The following SHISA9 variants were observed in gnomAD, a reference collection of about 807,000 sequenced individuals.
The protein encoded by SHISA9 is protein shisa-9.
A neutral mutation model predicts 38.0 loss-of-function variants in SHISA9; 13 were observed. The ratio of observed to expected loss-of-function variants is 0.34; its 90% CI spans 0.22 to 0.54. SHISA9 has a LOEUF of 0.54. SHISA9 is among the 20% of genes least tolerant of loss of function. The probability of loss-of-function intolerance (pLI) is 0.91; values close to 1 mark genes in which losing one functional copy is unlikely to be tolerated. For synonymous variants in SHISA9, 275 were observed against 242.0 expected (o/e 1.14, Z -1.27); for missense variants, 538 against 575.8 (o/e 0.93, Z 0.67).
intron 2 of SHISA9, among the ~76,000 whole-genome samples, chr16:13,046,021 C>T (rs1470382470): frequency 6.6e-6 from 1 of 152,138 alleles, no homozygotes; most frequent in Non-Finnish European, 1.5e-5. Flanking sequence ...ACCATCAAAG[C>T]CCATTAATTT....
the SHISA9 span, among the ~76,000 whole-genome samples, chr16:13,461,528 G>C: frequency 2.7e-5 from 4 of 150,134 alleles, no homozygotes; most frequent in Admixed American, 1.3e-4. Context: ...GTAGCGAGCC[G>C]AGACTGTGCC....
chr16:13,422,628 G>A, the SHISA9 span, among the ~76,000 whole-genome samples: 4 of 152,236 alleles, frequency 2.6e-5, no homozygotes, highest in South Asian at 6.2e-4. Flanking sequence ...CCTGAGAGGC[G>A]GAGGTTGCAG....
chr16:13,080,617 T>C (rs276605), intron 2 of SHISA9, among the ~76,000 whole-genome samples: 2 of 152,018 alleles, frequency 1.3e-5, no homozygotes, highest in Non-Finnish European at 2.9e-5. Context: ...ACTGAGGAGA[T>C]GGTGTGTTTG....
the SHISA9 span, among the ~76,000 whole-genome samples, chr16:13,250,852 G>A: frequency 1.3e-5 from 2 of 152,092 alleles, no homozygotes; most frequent in African/African-American, 2.4e-5. Context: ...GTATAATGTG[G>A]TACTTCTCAG....
chr16:13,434,394 C>A, the SHISA9 span, among the ~76,000 whole-genome samples: 4 of 147,000 alleles, frequency 2.7e-5, no homozygotes, highest in Admixed American at 7.0e-5. Flanking sequence ...CAATATTAAC[C>A]ATCACACTGT....
the SHISA9 span, among the ~76,000 whole-genome samples, chr16:13,557,324 AT>A: frequency 6.6e-6 from 1 of 152,166 alleles, no homozygotes; most frequent in East Asian, 1.9e-4. Context: ...CAAAAATACA[AT>A]CTACAAATTC....
chr16:13,483,647 T>C, the SHISA9 span, among the ~76,000 whole-genome samples: 1 of 152,010 alleles, frequency 6.6e-6, no homozygotes, highest in Admixed American at 6.6e-5. Flanking sequence ...CCCCGGTCTT[T>C]CTGATTGTGG....
At chr16:13,318,131 T>C in the SHISA9 span, among the ~76,000 whole-genome samples, 1 of 152,002 alleles carries the variant, frequency 6.6e-6, no homozygotes, top group Non-Finnish European at 1.5e-5. Flanking sequence ...ACCTATTAAG[T>C]TGTAAACAAT....
chr16:13,226,507 G>A (rs2051281027), intron 4 of SHISA9, among the ~76,000 whole-genome samples: 1 of 152,172 alleles, frequency 6.6e-6, no homozygotes, highest in Non-Finnish European at 1.5e-5. Context: ...ATCCTTTCAG[G>A]TTCTTGAAGC....
chr16:13,514,752 A>T, the SHISA9 span, among the ~76,000 whole-genome samples: 1 of 152,198 alleles, frequency 6.6e-6, no homozygotes, highest in Non-Finnish European at 1.5e-5. Flanking sequence ...TAACAGAAAA[A>T]TATTTAATGA....
At chr16:13,077,703 G>C (rs1264756340) in intron 2 of SHISA9, among the ~76,000 whole-genome samples, 1 of 152,132 alleles carries the variant, frequency 6.6e-6, no homozygotes, top group Non-Finnish European at 1.5e-5. Flanking sequence ...TCTCAGGTGG[G>C]CATAACTGGC....
At chr16:13,359,374 C>G in the SHISA9 span, among the ~76,000 whole-genome samples, 2 of 151,982 alleles carry the variant, frequency 1.3e-5, no homozygotes, top group Admixed American at 1.3e-4. Flanking sequence ...TCCCAGGTAC[C>G]CGGGAGGCTG....
At chr16:13,318,396 C>T in the SHISA9 span, among the ~76,000 whole-genome samples, 1 of 152,072 alleles carries the variant, frequency 6.6e-6, no homozygotes, top group East Asian at 1.9e-4. Context: ...GATCTCGGCT[C>T]ACTGCAACCT....
intron 2 of SHISA9, among the ~76,000 whole-genome samples, chr16:13,128,595 C>T (rs554676883): frequency 5.9e-5 from 9 of 152,160 alleles, no homozygotes; most frequent in Non-Finnish European, 1.0e-4. Flanking sequence ...CAGTGCCAGA[C>T]AGCTGGAAAG....
chr16:13,452,129 T>C, the SHISA9 span, among the ~76,000 whole-genome samples: 2 of 152,218 alleles, frequency 1.3e-5, no homozygotes, highest in African/African-American at 4.8e-5. Flanking sequence ...AACCTGGGGC[T>C]GGGGCCATTT....
chr16:13,195,304 A>C (rs764856382), intron 2 of SHISA9, among the ~76,000 whole-genome samples: 15 of 152,224 alleles, frequency 9.9e-5, no homozygotes, highest in Non-Finnish European at 2.1e-4. Context: ...AAAGGAGACA[A>C]TTGAAATAGT....
intron 2 of SHISA9, among the ~76,000 whole-genome samples, chr16:13,165,160 G>A (rs1348720518): frequency 1.3e-5 from 2 of 152,016 alleles, no homozygotes; most frequent in African/African-American, 2.4e-5. Context: ...GCCATTAATT[G>A]TTCCAATTTT....
At chr16:13,309,247 T>C in the SHISA9 span, among the ~76,000 whole-genome samples, 5 of 152,150 alleles carry the variant, frequency 3.3e-5, no homozygotes, top group Admixed American at 3.3e-4. Context: ...GATGCTGGGC[T>C]TAATACTTAG....
chr16:13,249,235 G>C, the SHISA9 span, among the ~76,000 whole-genome samples: 413 of 152,264 alleles, frequency 2.7e-3, 2 homozygotes, highest in African/African-American at 9.7e-3. Flanking sequence ...AGTTTTCCTT[G>C]GTTCATAAAA....
Sources: gnomAD v4.1 joint callset for allele counts (sites outside exome capture counted in the v4.1 genomes callset) on GRCh38, gnomAD v4.1.1 for gene constraint, MANE v1.5 for transcripts, NCBI Gene and HGNC (gene_info 2026-07-23, HGNC 2026-07-21) for gene names.